The following SHISA9 variants were observed in gnomAD, a reference collection of about 807,000 sequenced individuals.
SHISA9 encodes shisa family member 9, also known as protein shisa-9.
In SHISA9, 13 loss-of-function variants were observed where a neutral mutation model predicts 38.0. That is an observed-to-expected ratio of 0.34 (90% CI 0.22 to 0.54). The LOEUF is 0.54. Among genes scored for constraint, SHISA9 ranks in the 20% least tolerant of loss-of-function variants. The pLI is 0.91. For missense variants in SHISA9, 538 were observed against 575.8 expected, an observed-to-expected ratio of 0.93 and a Z score of 0.67; for synonymous variants, 275 against 242.0, an observed-to-expected ratio of 1.14 and a Z score of -1.27.
At chr16:13,397,235 T>C in the SHISA9 span, among the ~76,000 whole-genome samples, 3 of 152,172 alleles carry the variant, frequency 2.0e-5, no homozygotes, top group Admixed American at 2.0e-4. Flanking sequence ...ATGGGAAAAG[T>C]TCCCTTATCC....
At chr16:13,524,288 A>G in the SHISA9 span, among the ~76,000 whole-genome samples, 1 of 152,198 alleles carries the variant, frequency 6.6e-6, no homozygotes, top group Non-Finnish European at 1.5e-5. Flanking sequence ...CACCACCATC[A>G]TCTGACAATA....
At chr16:13,530,709 A>G in the SHISA9 span, among the ~76,000 whole-genome samples, 1 of 151,824 alleles carries the variant, frequency 6.6e-6, no homozygotes, top group East Asian at 1.9e-4. Context: ...TTCCTTCCTT[A>G]CAGAAGAAGC....
the SHISA9 span, among the ~76,000 whole-genome samples, chr16:13,412,635 T>G: frequency 1.1e-4 from 16 of 151,988 alleles, no homozygotes; most frequent in African/African-American, 3.4e-4. Context: ...GGCAGACTGA[T>G]TGCTTGAGCC....
chr16:13,316,385 A>G, the SHISA9 span, among the ~76,000 whole-genome samples: 2 of 152,152 alleles, frequency 1.3e-5, no homozygotes, highest in African/African-American at 4.8e-5. Context: ...GGAAGCGAGA[A>G]CAGAATGTGA....
intron 2 of SHISA9, among the ~76,000 whole-genome samples, chr16:13,098,922 G>C (rs1048577169): frequency 6.6e-6 from 1 of 152,240 alleles, no homozygotes; most frequent in Non-Finnish European, 1.5e-5. Flanking sequence ...GTTGTGAAGA[G>C]TAAATAAAGG....
At chr16:13,453,937 C>A in the SHISA9 span, among the ~76,000 whole-genome samples, 1 of 152,170 alleles carries the variant, frequency 6.6e-6, no homozygotes, top group African/African-American at 2.4e-5. Context: ...ATAATACCCT[C>A]ATCTCATACA....
the SHISA9 span, among the ~76,000 whole-genome samples, chr16:13,372,341 G>T: frequency 6.6e-6 from 1 of 152,192 alleles, no homozygotes; most frequent in Non-Finnish European, 1.5e-5. Flanking sequence ...AAGGCTGATG[G>T]AGAGGGACAA....
At chr16:13,105,261 G>T (rs530096047) in intron 2 of SHISA9, among the ~76,000 whole-genome samples, 1 of 152,266 alleles carries the variant, frequency 6.6e-6, no homozygotes, top group South Asian at 2.1e-4. Context: ...TTTTATTTTG[G>T]AAAGTGTTTC....
At chr16:13,476,693 C>T in the SHISA9 span, among the ~76,000 whole-genome samples, 1 of 130,084 alleles carries the variant, frequency 7.7e-6, no homozygotes, top group African/African-American at 2.9e-5. Context: ...CCCTCTTGTT[C>T]TTTGACTGAA....
At chr16:13,435,076 CCTCT>C in the SHISA9 span, among the ~76,000 whole-genome samples, 1 of 152,210 alleles carries the variant, frequency 6.6e-6, no homozygotes, top group Non-Finnish European at 1.5e-5. Context: ...AACATACTTT[CCTCT>C]CTATTTACTG....
intron 2 of SHISA9, among the ~76,000 whole-genome samples, chr16:13,035,794 A>G (rs2073053014): frequency 6.6e-6 from 1 of 152,334 alleles, no homozygotes; most frequent in East Asian, 1.9e-4. Flanking sequence ...AACTTCCATC[A>G]TAAAGATCTG....
the SHISA9 span, among the ~76,000 whole-genome samples, chr16:13,387,867 T>G: frequency 6.6e-6 from 1 of 152,142 alleles, no homozygotes; most frequent in Non-Finnish European, 1.5e-5. Context: ...GTCTCAGTAG[T>G]TCTCCACCAT....
the SHISA9 span, among the ~76,000 whole-genome samples, chr16:13,290,921 G>C: frequency 6.6e-6 from 1 of 152,120 alleles, no homozygotes; most frequent in African/African-American, 2.4e-5. Context: ...CCATCATTTA[G>C]CACTTATTGT....
intron 2 of SHISA9, among the ~76,000 whole-genome samples, chr16:13,093,022 C>G (rs1431197314): frequency 6.6e-6 from 1 of 152,172 alleles, no homozygotes; most frequent in Non-Finnish European, 1.5e-5. Flanking sequence ...GAACCTAACA[C>G]TTTTTGACAC....
At chr16:13,472,148 T>C in the SHISA9 span, among the ~76,000 whole-genome samples, 1 of 152,180 alleles carries the variant, frequency 6.6e-6, no homozygotes, top group Non-Finnish European at 1.5e-5. Context: ...GGAAAACATA[T>C]ACTTGCTGGC....
At chr16:12,990,411 G>C (rs2072369828) in intron 2 of SHISA9, among the ~76,000 whole-genome samples, 1 of 152,196 alleles carries the variant, frequency 6.6e-6, no homozygotes, top group Admixed American at 6.5e-5. Context: ...CAGTGTAAAA[G>C]TGTTCTTTTT....
chr16:13,309,600 G>A, the SHISA9 span, among the ~76,000 whole-genome samples: 10 of 141,814 alleles, frequency 7.1e-5, no homozygotes, highest in Admixed American at 3.0e-4. Flanking sequence ...CCGAGATCAC[G>A]CCACTGTACT....
chr16:13,309,609 C>CT, the SHISA9 span, among the ~76,000 whole-genome samples: 1 of 145,612 alleles, frequency 6.9e-6, no homozygotes. Flanking sequence ...CGCCACTGTA[C>CT]TCCAGCCTGG....
At chr16:13,226,770 C>T (rs1180367619) in intron 4 of SHISA9, among the ~76,000 whole-genome samples, 1 of 152,140 alleles carries the variant, frequency 6.6e-6, no homozygotes, top group East Asian at 1.9e-4. Flanking sequence ...CTGCAGTTAG[C>T]AGTTGGTTAG....
Sources: allele counts gnomAD v4.1 joint callset (sites outside exome capture counted in the v4.1 genomes callset), GRCh38; gene constraint gnomAD v4.1.1; transcripts MANE v1.5; gene names NCBI Gene and HGNC (gene_info 2026-07-23, HGNC 2026-07-21).